Variants in COL11A1 observed in about 807,000 individuals in gnomAD.
The protein encoded by COL11A1 is collagen alpha-1(XI) chain.
A neutral mutation model predicts 265.2 loss-of-function variants in COL11A1; 74 were observed. The observed-to-expected ratio is 0.28, with a 90% CI of 0.23 to 0.34. The LOEUF (loss-of-function observed/expected upper bound fraction) is 0.34. Among genes scored for constraint, COL11A1 ranks in the 10% least tolerant of loss-of-function variants. COL11A1 has a pLI of 1.00. For missense variants in COL11A1, 2,165 were observed against 2,263.6 expected (o/e 0.96, Z 0.88); for synonymous variants, 816 against 727.6 (o/e 1.12, Z -1.96).
intron 35 of COL11A1, among the ~76,000 whole-genome samples, chr1:102,978,265 T>C (rs987067227): frequency 1.4e-4 from 21 of 152,118 alleles, no homozygotes; most frequent in Admixed American, 1.3e-4. Context: ...CTGGAATAGA[T>C]GTTTTATCTT....
Position 102,896,125 on chromosome 1 carries a change from T to C in COL11A1, c.4302+2000A>G, listed in dbSNP as rs78973703. On this transcript the variant is annotated intron_variant, in intron 57 of 66. Transcript: ENST00000370096. ...AACCCCATGGGGTAGAAGATATCCA[T>C]ATCCCAATTGAACTCACTTAAACTT... 6.8e-4 allele frequency among the ~76,000 whole-genome samples: 103 copies of C among 151,722 alleles called. 1 individual carries two copies. The East Asian group carries it at 0.018, about 27-fold the overall frequency.
chr1:103,068,055 G>C (rs879839416), intron 4 of COL11A1, among the ~76,000 whole-genome samples: 2 of 151,514 alleles, frequency 1.3e-5, no homozygotes, highest in Admixed American at 1.3e-4. Flanking sequence ...AAAGTTTTCA[G>C]AAAATAGATA....
rs1672195065 is a variant in COL11A1 at position 103,078,968 on chromosome 1, T to G, written c.275-97A>C. 3 of 817,230 alleles carry G rather than the reference T, an allele frequency of 3.7e-6. No individual in the cohort carries two copies. In the South Asian group the frequency reaches 4.6e-5, roughly 12 times the overall value. The allele number at this position is 817,230 out of a possible 1,614,324, so 50.6% of individuals were successfully genotyped here. ...TATTTTTGAAATTTCTACATGGCCT[T>G]TATAAATCAACTAACTTTGAATAGT... On this transcript the variant is annotated intron_variant, in intron 2 of 66. Transcript: ENST00000370096.
rs1670019342 is a variant in COL11A1 at position 103,053,815 on chromosome 1, C to T, written c.651+20803G>A. Reference sequence around the variant, plus strand: ...AATCTAACAAATGCTCAACTTATTGCCATAAAAACATCTTACATTTTAAAT... The same window carrying T: ...AATCTAACAAATGCTCAACTTATTGTCATAAAAACATCTTACATTTTAAAT... On this transcript the variant is annotated intron_variant, in intron 4 of 66. Transcript: ENST00000370096. Among the ~76,000 whole-genome samples the T allele has an allele frequency of 2.0e-5, 3 of 152,192 alleles. No homozygotes were observed. In the South Asian group the frequency reaches 6.2e-4, roughly 32 times the overall value.
intron 1 of COL11A1, among the ~76,000 whole-genome samples, chr1:103,091,431 C>A (rs1673312781): frequency 6.6e-6 from 1 of 152,038 alleles, no homozygotes; most frequent in East Asian, 1.9e-4. Flanking sequence ...TCAATAGAAC[C>A]CTTTTTGGAT....
rs1649548410 is a variant in COL11A1, at chr1:102,876,773, A to T, written c.*1246T>A. 1 of 152,344 alleles carries T rather than the reference A, an allele frequency of 6.6e-6. No individual in the cohort carries two copies. Among genetic ancestry groups the T allele is most frequent in the Non-Finnish European group, 1.5e-5 (1 of 67,940 alleles). 9.4% of individuals were successfully genotyped at this position (152,344 alleles called of 1,614,324 possible). On this transcript the variant is annotated 3_prime_UTR_variant, in exon 67 of 67. Coordinates refer to ENST00000370096, the MANE Select transcript of COL11A1 (RefSeq NM_001854.4). ...TTAAATTGTATTGCTATTTCAAGCTACCTTAAAGTAAATACCTTAGTGGAA... is the reference window on the plus strand; with the variant it reads ...TTAAATTGTATTGCTATTTCAAGCTTCCTTAAAGTAAATACCTTAGTGGAA...
intron 4 of COL11A1, among the ~76,000 whole-genome samples, chr1:103,037,954 C>T (rs1254456273): frequency 6.6e-6 from 1 of 151,932 alleles, no homozygotes; most frequent in Non-Finnish European, 1.5e-5. Flanking sequence ...ATCTAGATTC[C>T]AAATTTCTTA....
Position 102,940,345 on chromosome 1 carries a change from A to C in COL11A1, c.3366T>G (p.Pro1122=). 1 of 1,613,840 alleles carries C rather than the reference A, an allele frequency of 6.2e-7. No individual in the cohort carries two copies. Residue 1122 remains proline, a synonymous_variant, in exon 43 of 67, where the codon CCT becomes CCG. Transcript: ENST00000370096. ...LPGPAGPAGS[P]GEDGDKGEIG... ...TACCAACCTTGTCTCCGTCTTCCCC[A>C]GGGGAGCCGGCAGGACCAGCTGGCC...
Position 102,877,776 on chromosome 1 carries a change from G to T in COL11A1, c.*243C>A. The T allele has an allele frequency of 2.4e-6, 1 of 419,992 alleles. No homozygotes were observed. The highest frequency in any genetic ancestry group is 4.3e-6 in the Non-Finnish European group (1 of 231,798). The allele number at this position is 419,992 out of a possible 1,614,324, so 26.0% of individuals were successfully genotyped here. On this transcript the variant is annotated 3_prime_UTR_variant, in exon 67 of 67. Transcript: ENST00000370096. ...ATTCAAATAGGAAAAGGAGAGTTGA[G>T]AATTGGGAATCAAGAATCAGCCCTG...
At chr1:103,084,365 C>T (rs1263378677) in intron 1 of COL11A1, among the ~76,000 whole-genome samples, 1 of 152,036 alleles carries the variant, frequency 6.6e-6, no homozygotes, top group East Asian at 1.9e-4. Flanking sequence ...AATTCCACTC[C>T]CACATATATG....
intron 24 of COL11A1, among the ~76,000 whole-genome samples, chr1:102,999,487 A>G (rs12728737): frequency 0.024 from 3,668 of 152,014 alleles, 62 homozygotes; most frequent in Middle Eastern, 0.092. Flanking sequence ...TAAGCAATTA[A>G]TATATGAGTG....
intron 42 of COL11A1, among the ~76,000 whole-genome samples, chr1:102,941,405 C>T (rs1036782897): frequency 3.3e-5 from 5 of 152,170 alleles, no homozygotes; most frequent in African/African-American, 1.2e-4. Context: ...ATGTTACCTA[C>T]ATTCTTAGGT....
intron 4 of COL11A1, among the ~76,000 whole-genome samples, chr1:103,069,042 T>G (rs1671369356): frequency 6.6e-6 from 1 of 151,742 alleles, no homozygotes; most frequent in Non-Finnish European, 1.5e-5. Flanking sequence ...AAACCACAAC[T>G]TCTTGTAGAA....
chr1:103,096,298 G>A (rs1389641626), intron 1 of COL11A1, among the ~76,000 whole-genome samples: 1 of 152,048 alleles, frequency 6.6e-6, no homozygotes, highest in African/African-American at 2.4e-5. Context: ...GAAAGTAAGG[G>A]TCAGATTCTA....
At chr1:102,912,098 A>G (rs1290783653) in intron 54 of COL11A1, 61 bp downstream of exon 54, 1 of 1,347,820 alleles carries the variant, frequency 7.4e-7, no homozygotes, top group Non-Finnish European at 1.0e-6. Flanking sequence ...CACACATTAT[A>G]TAAATTTATC....
intron 3 of COL11A1, among the ~76,000 whole-genome samples, chr1:103,077,206 A>C (rs1214137132): frequency 1.3e-5 from 2 of 152,100 alleles, no homozygotes; most frequent in Non-Finnish European, 2.9e-5. Context: ...TATTTATTGA[A>C]CATTCTCCAT....
chr1:103,027,857 A>T (rs1667668429), intron 5 of COL11A1, among the ~76,000 whole-genome samples: 1 of 152,096 alleles, frequency 6.6e-6, no homozygotes, highest in Admixed American at 6.5e-5. Context: ...ATTTTATATC[A>T]TTTTTTCTCT....
intron 4 of COL11A1, among the ~76,000 whole-genome samples, chr1:103,051,026 C>A (rs1405864370): frequency 6.6e-6 from 1 of 152,164 alleles, no homozygotes; most frequent in Non-Finnish European, 1.5e-5. Context: ...GGGATGCCTC[C>A]CAGTTAGGCT....
chr1:103,072,322 A>G (rs886075043), intron 4 of COL11A1, among the ~76,000 whole-genome samples: 6 of 151,964 alleles, frequency 3.9e-5, no homozygotes, highest in Non-Finnish European at 8.8e-5. Flanking sequence ...CAGTGTATAC[A>G]TGAAATTACA....
Sources: gnomAD v4.1 joint callset for allele counts (sites outside exome capture counted in the v4.1 genomes callset) on GRCh38, gnomAD v4.1.1 for gene constraint, MANE v1.5 for transcripts, NCBI Gene and HGNC (gene_info 2026-07-23, HGNC 2026-07-21) for gene names.